MBNL2: variants seen among roughly 807,000 people sequenced by gnomAD.
The protein encoded by MBNL2 is muscleblind-like protein 2.
In MBNL2, 17 loss-of-function variants were observed where a neutral mutation model predicts 41.9. That is an observed-to-expected ratio of 0.41 (90% CI 0.28 to 0.61). The LOEUF (loss-of-function observed/expected upper bound fraction) is 0.61. Among genes scored for constraint, MBNL2 ranks in the 20% least tolerant of loss-of-function variants. MBNL2 has a pLI of 0.35. For missense variants in MBNL2, 336 were observed against 505.6 expected, an observed-to-expected ratio of 0.66 and a Z score of 3.22; for synonymous variants, 195 against 182.9, an observed-to-expected ratio of 1.07 and a Z score of -0.53.
At chr13:97,204,806 C>A in the MBNL2 span, among the ~76,000 whole-genome samples, 1 of 152,034 alleles carries the variant, frequency 6.6e-6, no homozygotes, top group Non-Finnish European at 1.5e-5. Context: ...AGGCCAGGTG[C>A]GGTGGCTCAG....
chr13:97,352,336 T>C (rs561976720), intron 5 of MBNL2, among the ~76,000 whole-genome samples: 1 of 152,318 alleles, frequency 6.6e-6, no homozygotes, highest in East Asian at 1.9e-4. Context: ...AGCTTTTGAT[T>C]TTAAGTAATA....
the MBNL2 span, among the ~76,000 whole-genome samples, chr13:97,186,407 G>A: frequency 1.1e-4 from 16 of 152,050 alleles, no homozygotes; most frequent in Non-Finnish European, 2.1e-4. Flanking sequence ...CTATTTTCCT[G>A]CTCCTACACG....
At chr13:97,160,441 G>T in the MBNL2 span, among the ~76,000 whole-genome samples, 6 of 152,136 alleles carry the variant, frequency 3.9e-5, no homozygotes, top group Non-Finnish European at 5.9e-5. Flanking sequence ...AACAGATATG[G>T]CCTAATTTCT....
chr13:97,238,591 C>T (rs1237928169), intron 1 of MBNL2, among the ~76,000 whole-genome samples: 2 of 152,214 alleles, frequency 1.3e-5, no homozygotes, highest in Non-Finnish European at 2.9e-5. Context: ...GACAACGCCT[C>T]TGACCTTTGG....
intron 7 of MBNL2, among the ~76,000 whole-genome samples, chr13:97,361,520 C>G (rs1487479526): frequency 6.6e-6 from 1 of 152,092 alleles, no homozygotes; most frequent in Non-Finnish European, 1.5e-5. Context: ...TCCAATATCA[C>G]ATCACTATTA....
chr13:97,388,773 C>T (rs1566457448), intron 8 of MBNL2, among the ~76,000 whole-genome samples: 1 of 152,088 alleles, frequency 6.6e-6, no homozygotes, highest in African/African-American at 2.4e-5. Flanking sequence ...ACAGATAATA[C>T]AGACTGTATC....
chr13:97,179,854 C>T, the MBNL2 span, among the ~76,000 whole-genome samples: 3 of 152,132 alleles, frequency 2.0e-5, no homozygotes, highest in Admixed American at 6.5e-5. Flanking sequence ...GTTAGGGGGT[C>T]AGTGACCAGA....
chr13:97,158,490 G>T, the MBNL2 span, among the ~76,000 whole-genome samples: 1 of 151,762 alleles, frequency 6.6e-6, no homozygotes, highest in African/African-American at 2.4e-5. Context: ...GTGATGTTAG[G>T]GTGTCAATTT....
At chr13:97,388,310 CATACAT>C (rs994083077) in intron 8 of MBNL2, among the ~76,000 whole-genome samples, 2 of 69,994 alleles carry the variant, frequency 2.9e-5, no homozygotes, top group African/African-American at 9.7e-5. Context: ...CATATACATA[CATACAT>C]ATATATATAT....
intron 1 of MBNL2, among the ~76,000 whole-genome samples, chr13:97,235,159 T>C (rs2043039031): frequency 6.6e-6 from 1 of 152,168 alleles, no homozygotes; most frequent in South Asian, 2.1e-4. Context: ...CTTTCAGACT[T>C]GAGTTGATAT....
At chr13:97,328,038 C>T (rs9584550) in intron 2 of MBNL2, among the ~76,000 whole-genome samples, 25,907 of 152,074 alleles carry the variant, frequency 0.17, 4,660 homozygotes, top group African/African-American at 0.46. Context: ...GTCCGTGAGG[C>T]AGAAACTATT....
At chr13:97,232,516 A>T (rs2042523298) in intron 1 of MBNL2, among the ~76,000 whole-genome samples, 1 of 152,182 alleles carries the variant, frequency 6.6e-6, no homozygotes, top group Non-Finnish European at 1.5e-5. Flanking sequence ...GCTTAGAGAG[A>T]CCAAGTTACT....
intron 2 of MBNL2, among the ~76,000 whole-genome samples, chr13:97,333,017 A>C (rs1044933804): frequency 6.6e-6 from 1 of 152,210 alleles, no homozygotes; most frequent in African/African-American, 2.4e-5. Flanking sequence ...AGGAAGTCTG[A>C]GCTGCCAAAA....
the MBNL2 span, among the ~76,000 whole-genome samples, chr13:97,213,602 C>G: frequency 5.3e-5 from 8 of 152,136 alleles, no homozygotes; most frequent in African/African-American, 1.9e-4. Context: ...CCAGAGATCT[C>G]ACTTTGGGGA....
intron 5 of MBNL2, among the ~76,000 whole-genome samples, chr13:97,355,002 A>C (rs1188526416): frequency 6.6e-6 from 1 of 152,228 alleles, no homozygotes; most frequent in Non-Finnish European, 1.5e-5. Context: ...AACAAAAGAA[A>C]ACCCTGCACT....
At chr13:97,322,315 G>T (rs1038518062) in intron 2 of MBNL2, among the ~76,000 whole-genome samples, 2 of 152,160 alleles carry the variant, frequency 1.3e-5, no homozygotes, top group African/African-American at 4.8e-5. Context: ...TCCCCCTGCT[G>T]CAGTCCAGGA....
intron 2 of MBNL2, among the ~76,000 whole-genome samples, chr13:97,287,211 T>C (rs1160929427): frequency 6.6e-6 from 1 of 152,186 alleles, no homozygotes; most frequent in African/African-American, 2.4e-5. Context: ...GGAGACTTGC[T>C]CACAGGTGTC....
At chr13:97,155,389 T>A in the MBNL2 span, among the ~76,000 whole-genome samples, 4 of 151,334 alleles carry the variant, frequency 2.6e-5, no homozygotes, top group Non-Finnish European at 4.4e-5. Flanking sequence ...TTCTTTTTTT[T>A]TTTTATTTTT....
At chr13:97,287,918 G>GTTTTGT (rs2054901165) in intron 2 of MBNL2, among the ~76,000 whole-genome samples, 1 of 124,630 alleles carries the variant, frequency 8.0e-6, no homozygotes, top group African/African-American at 3.5e-5. Flanking sequence ...CTAATTTTCT[G>GTTTTGT]TTTTTTTTTT....
Sources: gnomAD v4.1 joint callset for allele counts (sites outside exome capture counted in the v4.1 genomes callset) on GRCh38, gnomAD v4.1.1 for gene constraint, MANE v1.5 for transcripts, NCBI Gene and HGNC (gene_info 2026-07-23, HGNC 2026-07-21) for gene names.